Variants in HDX observed in about 807,000 individuals in gnomAD.
The protein encoded by HDX is highly divergent homeobox.
HDX carries 19 observed loss-of-function variants against 45.2 expected under a neutral mutation model. The ratio of observed to expected loss-of-function variants is 0.42; its 90% CI spans 0.29 to 0.62. HDX has a LOEUF of 0.62. Ranked by LOEUF, HDX falls within the 20% of genes least tolerant of loss-of-function variation. The probability of loss-of-function intolerance (pLI) is 0.20; values close to 1 mark genes in which losing one functional copy is unlikely to be tolerated. For synonymous variants in HDX, 188 were observed against 172.8 expected (o/e 1.09, Z -0.69); for missense variants, 532 against 493.9 (o/e 1.08, Z -0.73).
chrX:84,362,586 G>A (rs1160613711), intron 5 of HDX, among the ~76,000 whole-genome samples: 1 of 109,133 alleles, frequency 9.2e-6, no homozygotes, highest in African/African-American at 3.3e-5. Flanking sequence ...GAGAGAGACA[G>A]AGAGAGAGAG....
chrX:84,322,624 T>C (rs1489099531), intron 10 of HDX, among the ~76,000 whole-genome samples: 1 of 110,961 alleles, frequency 9.0e-6, no homozygotes, highest in Non-Finnish European at 1.9e-5. Context: ...GATCTATCTG[T>C]AGTAATGATG....
intron 10 of HDX, 138 bp from the exon 11 acceptor site, chrX:84,322,152 T>G (rs2147742842): frequency 2.6e-6 from 1 of 389,584 alleles, no homozygotes; most frequent in African/African-American, 2.6e-5. Flanking sequence ...TCTTAGACAA[T>G]GCCTTACCTA....
At chrX:84,333,932 G>T (rs979406148) in intron 8 of HDX, 90 bp from the exon 9 acceptor site, 2 of 406,292 alleles carry the variant, frequency 4.9e-6, no homozygotes, top group Non-Finnish European at 8.8e-6. Context: ...CAATGTTTAG[G>T]TTATCTAGTC....
At chrX:84,398,685 A>T (rs1288265479) in intron 5 of HDX, among the ~76,000 whole-genome samples, 2 of 112,009 alleles carry the variant, frequency 1.8e-5, no homozygotes, top group Non-Finnish European at 3.8e-5. Context: ...AGGGATATTT[A>T]GGACGTGAAC....
intron 2 of HDX, among the ~76,000 whole-genome samples, chrX:84,479,223 A>T (rs2040620293): frequency 9.0e-6 from 1 of 111,504 alleles, no homozygotes; most frequent in African/African-American, 3.3e-5. Context: ...ATGCTGCCTC[A>T]TTAGCAAGCC....
At chrX:84,457,908 C>A (rs778095700) in intron 4 of HDX, among the ~76,000 whole-genome samples, 19 of 111,904 alleles carry the variant, frequency 1.7e-4, no homozygotes, top group Non-Finnish European at 2.6e-4. Context: ...AGCTTCAATT[C>A]TATCCAGTGT....
At chrX:84,423,805 A>G (rs1221951440) in intron 5 of HDX, among the ~76,000 whole-genome samples, 1 of 111,925 alleles carries the variant, frequency 8.9e-6, no homozygotes. Flanking sequence ...GATAGAAGGA[A>G]CATAGGAACA....
intron 6 of HDX, among the ~76,000 whole-genome samples, chrX:84,358,498 T>C (rs1428630806): frequency 9.0e-6 from 1 of 111,702 alleles, no homozygotes. Flanking sequence ...TCCCTCTTGC[T>C]AGACTCTGAG....
intron 4 of HDX, among the ~76,000 whole-genome samples, chrX:84,453,773 C>T (rs944236657): frequency 8.9e-6 from 1 of 111,770 alleles, no homozygotes; most frequent in Admixed American, 9.5e-5. Context: ...CCAGCTGTCC[C>T]CCAACCCTAG....
At chrX:84,462,126 A>T (rs956165022) in intron 4 of HDX, among the ~76,000 whole-genome samples, 1 of 112,014 alleles carries the variant, frequency 8.9e-6, no homozygotes, top group Non-Finnish European at 1.9e-5. Context: ...TCAGCAAACT[A>T]AAAATAGAGC....
chrX:84,489,224 T>G (rs753598976), intron 1 of HDX, among the ~76,000 whole-genome samples: 15 of 111,447 alleles, frequency 1.3e-4, no homozygotes, highest in Non-Finnish European at 2.1e-4. Flanking sequence ...GCTATTTTAT[T>G]TCACACATGA....
At chrX:84,343,721 A>C (rs1330489747) in intron 7 of HDX, among the ~76,000 whole-genome samples, 1 of 111,598 alleles carries the variant, frequency 9.0e-6, no homozygotes, top group Non-Finnish European at 1.9e-5. Flanking sequence ...GTATCATTAC[A>C]TAATATTATT....
chrX:84,488,322 AAAACAC>A (rs747003827), intron 1 of HDX, among the ~76,000 whole-genome samples, 190 bp from the exon 2 acceptor site: 51 of 46,026 alleles, frequency 1.1e-3, no homozygotes, highest in Non-Finnish European at 1.6e-3. Context: ...TTTAAAATCT[AAAACAC>A]ACACACACAC....
intron 4 of HDX, among the ~76,000 whole-genome samples, chrX:84,455,128 G>A (rs2040085191): frequency 9.0e-6 from 1 of 111,377 alleles, no homozygotes; most frequent in Non-Finnish European, 1.9e-5. Context: ...CCCAGACAGT[G>A]AAGACTACAT....
rs751813714 is a variant in HDX, at chrX:84,347,798, A to T, written c.1453-3341T>A. On this transcript the variant is annotated intron_variant, in intron 6 of 10. Coordinates refer to ENST00000373177, the MANE Select transcript of HDX (RefSeq NM_001177479.2). ...CTTCTTGCTTGCATAGTTTCTGAGG[A>T]AAAGTCAGATTTAATTCTTATTTTT... 2.6e-3 allele frequency among the ~76,000 whole-genome samples: 291 copies of T among 111,636 alleles called. 2 individuals are homozygous for T. Among genetic ancestry groups the T allele is most frequent in the African/African-American group, 9.2e-3 (282 of 30,802 alleles).
At chrX:84,422,797 T>A (rs750044172) in intron 5 of HDX, among the ~76,000 whole-genome samples, 71 of 104,752 alleles carry the variant, frequency 6.8e-4, no homozygotes, top group African/African-American at 2.4e-3. Flanking sequence ...GCCTCCCGAG[T>A]AGCTGGGACT....
chrX:84,321,993 G>T lies in HDX; in HGVS notation c.1969C>A (p.Pro657Thr). Residue 657 changes from proline to threonine, a missense_variant, in exon 11 of 11, where the codon CCT becomes ACT. Pro to Thr is a conservative substitution (Grantham distance 38, BLOSUM62 -1). This residue lies in a region of HDX where 151 missense variants were observed against 131.8 expected (regional missense o/e 1.15). Coordinates refer to ENST00000373177, the MANE Select transcript of HDX (RefSeq NM_001177479.2). ...QQQALLSDLP[P>T]ELEEMDFNHA... Reference sequence around the variant, plus strand: ...TTGAAATCCATTTCCTCTAATTCAGGAGGTAAATCTGACAGCAGTGCCTGA... The same window carrying T: ...TTGAAATCCATTTCCTCTAATTCAGTAGGTAAATCTGACAGCAGTGCCTGA... The T allele has an allele frequency of 8.5e-7, 1 of 1,177,867 alleles. No homozygotes were observed. The highest frequency in any genetic ancestry group is 1.8e-5 in the African/African-American group (1 of 56,797).
At chrX:84,499,795 T>C (rs1245679159) in intron 1 of HDX, among the ~76,000 whole-genome samples, 1 of 108,834 alleles carries the variant, frequency 9.2e-6, no homozygotes, top group Admixed American at 9.9e-5. Context: ...TAAAACGAGC[T>C]CTGCAGAAGA....
chrX:84,456,110 G>A (rs1252514022), intron 4 of HDX, among the ~76,000 whole-genome samples: 1 of 111,722 alleles, frequency 9.0e-6, no homozygotes, highest in Non-Finnish European at 1.9e-5. Context: ...ATTTTAATGA[G>A]CAATAAGAAA....
Sources: allele counts gnomAD v4.1 joint callset (sites outside exome capture counted in the v4.1 genomes callset), GRCh38; gene constraint gnomAD v4.1.1; regional missense constraint gnomAD v4.1.1; transcripts MANE v1.5; gene names NCBI Gene and HGNC (gene_info 2026-07-23, HGNC 2026-07-21).